Variants in SSTR1 observed in about 807,000 individuals in gnomAD.
SSTR1 encodes somatostatin receptor 1.
In SSTR1, 10 loss-of-function variants were observed where a neutral mutation model predicts 20.7. That is an observed-to-expected ratio of 0.48 (90% CI 0.30 to 0.82). The LOEUF (loss-of-function observed/expected upper bound fraction) is 0.82, where lower values mean the gene tolerates loss of function less well. Among genes scored for constraint, SSTR1 ranks in the 40% least tolerant of loss-of-function variants. The pLI, the probability that SSTR1 is intolerant of heterozygous loss-of-function variation, is 0.07. For synonymous variants in SSTR1, 267 were observed against 227.8 expected, an observed-to-expected ratio of 1.17 and a Z score of -1.55; for missense variants, 494 against 540.0, an observed-to-expected ratio of 0.91 and a Z score of 0.84.
At position 38,210,170 on chromosome 14, in the gene SSTR1, C is replaced by G; in HGVS notation, c.781C>G (p.Gln261Glu). Residue 261 changes from glutamine to glutamate, a missense_variant, in exon 3 of 3, where the codon CAG (glutamine) becomes GAG (glutamate). By Grantham distance (29) the Gln-to-Glu change is conservative (BLOSUM62 2). Transcript: ENST00000267377. The part of the protein sequence containing the change: ...RMVALKAGWQ[Q>E]RKRSERKITL... The stretch of plus-strand genomic sequence containing the variant: ...GGTGGCCCTCAAGGCCGGCTGGCAG[C>G]AGCGCAAGCGCTCGGAGCGCAAGAT... 2 of 1,614,240 alleles carry G rather than the reference C, an allele frequency of 1.2e-6. No homozygotes were observed. Among genetic ancestry groups the G allele is most frequent in the Non-Finnish European group, 1.7e-6 (2 of 1,180,050 alleles).
chr14:38,209,860 G>A lies in SSTR1; in HGVS notation c.471G>A (p.Val157=). 1.9e-6 allele frequency: 3 copies of A among 1,613,874 alleles called. No homozygotes were observed. The highest frequency in any genetic ancestry group is 2.5e-6 in the Non-Finnish European group (3 of 1,180,036). Residue 157 remains valine, a synonymous_variant, in exon 3 of 3, where the codon GTG becomes GTA. Transcript: ENST00000267377. ...CLTVLSVDRY[V]AVVHPIKAAR... The stretch of plus-strand genomic sequence containing the variant: ...CTGTGCTCAGCGTGGACCGCTACGT[G>A]GCCGTGGTGCATCCCATCAAGGCGG...
In SSTR1 at chr14:38,211,717, A is replaced by T. The variant is rs1353521882; in HGVS notation, c.*1152A>T. The T allele has an allele frequency of 6.0e-6, 1 of 167,088 alleles. No individual in the cohort carries two copies. Among genetic ancestry groups the T allele is most frequent in the African/African-American group, 2.4e-5 (1 of 41,450 alleles). 10.4% of individuals were successfully genotyped at this position (167,088 alleles called of 1,614,324 possible). A position where few individuals can be genotyped will look rare whatever the true frequency, so the allele number is the denominator to read the frequency against. On this transcript the variant is annotated 3_prime_UTR_variant, in exon 3 of 3. Transcript: ENST00000267377. ...CCGCCAGTGTTGGCGGTGTCGCCGC[A>T]ACCTGCAGGCTCCCGAGTGGGGCCT...
rs1379034386 is a variant in SSTR1, at chr14:38,213,027, G to A, written c.*2462G>A. 6.0e-6 allele frequency: 1 copy of A among 166,512 alleles called. No homozygotes were observed. Among genetic ancestry groups the A allele is most frequent in the African/African-American group, 2.4e-5 (1 of 41,276 alleles). The allele number at this position is 166,512 out of a possible 1,614,324, so 10.3% of individuals were successfully genotyped here. A position where few individuals can be genotyped will look rare whatever the true frequency, so the allele number is the denominator to read the frequency against. Reference sequence around the variant, plus strand: ...TTAGTGCTCTTAACTTGTTACCATTGTAATATTAACTAAATAAACAGATGT... The same window carrying A: ...TTAGTGCTCTTAACTTGTTACCATTATAATATTAACTAAATAAACAGATGT... On this transcript the variant is annotated 3_prime_UTR_variant, in exon 3 of 3. Coordinates refer to ENST00000267377, the MANE Select transcript of SSTR1 (RefSeq NM_001049.3).
In SSTR1 at chr14:38,211,936, C is replaced by G. The variant is rs1281244969; in HGVS notation, c.*1371C>G. The G allele has an allele frequency of 6.0e-6, 1 of 167,102 alleles. No homozygotes were observed. Among genetic ancestry groups the G allele is most frequent in the Non-Finnish European group, 1.5e-5 (1 of 68,132 alleles). 10.4% of individuals were successfully genotyped at this position (167,102 alleles called of 1,614,324 possible). A position where few individuals can be genotyped will look rare whatever the true frequency, so the allele number is the denominator to read the frequency against. ...ATGGAAGTGGAAGTAGGGGCAAGCT[C>G]TTGCCCCACTCCCTGGCCATCTCAA... is the stretch of plus-strand genomic sequence containing the variant. On this transcript the variant is annotated 3_prime_UTR_variant, in exon 3 of 3. Transcript: ENST00000267377.
At position 38,210,807 on chromosome 14, in the gene SSTR1, T is replaced by C. The variant is rs35744923; in HGVS notation, c.*242T>C. 5 of 970,950 alleles carry C rather than the reference T, an allele frequency of 5.1e-6. No homozygotes were observed. In the Admixed American group the frequency reaches 1.8e-4, roughly 35 times the overall value. The allele number at this position is 970,950 out of a possible 1,614,324, so 60.1% of individuals were successfully genotyped here. On this transcript the variant is annotated 3_prime_UTR_variant, in exon 3 of 3. Coordinates refer to ENST00000267377, the MANE Select transcript of SSTR1 (RefSeq NM_001049.3). ...TGGGAAGGCTTTCAGGCTACCTTTT[T>C]CTGGGTCTCCCACTTTCTGTTCCTT...
rs978429408 is a variant in SSTR1, at chr14:38,210,829, C to A, written c.*264C>A. 2.8e-6 allele frequency: 2 copies of A among 722,366 alleles called. No individual in the cohort carries two copies. Among genetic ancestry groups the A allele is most frequent in the Non-Finnish European group, 4.2e-6 (2 of 473,366 alleles). The allele number at this position is 722,366 out of a possible 1,614,324, so 44.7% of individuals were successfully genotyped here. ...TTTTCTGGGTCTCCCACTTTCTGTT[C>A]CTTCCTCCACTGCGCTTACTCCTCT... On this transcript the variant is annotated 3_prime_UTR_variant, in exon 3 of 3. Coordinates refer to ENST00000267377, the MANE Select transcript of SSTR1 (RefSeq NM_001049.3).
In SSTR1 at chr14:38,210,008, G is replaced by A; in HGVS notation, c.619G>A (p.Ala207Thr). ...RTAANSDGTV[A>T]CNMLMPEPAQ... ...CGCGGCCAACAGCGACGGCACGGTG[G>A]CTTGCAACATGCTCATGCCAGAGCC... Residue 207 changes from alanine to threonine, a missense_variant, in exon 3 of 3, where the codon GCT becomes ACT. Physicochemically the swap from Ala to Thr is moderately conservative, Grantham distance 58 (BLOSUM62 0). Coordinates refer to ENST00000267377, the MANE Select transcript of SSTR1 (RefSeq NM_001049.3). 6.2e-7 allele frequency: 1 copy of A among 1,614,142 alleles called. No homozygotes were observed. The highest frequency in any genetic ancestry group is 8.5e-7 in the Non-Finnish European group (1 of 1,180,026).
chr14:38,209,864 G>A lies in SSTR1; in HGVS notation c.475G>A (p.Val159Met), dbSNP rs1360740313. 3 of 1,613,944 alleles carry A rather than the reference G, an allele frequency of 1.9e-6. No homozygotes were observed. The highest frequency in any genetic ancestry group is 1.1e-5 in the South Asian group (1 of 91,086). ...GCTCAGCGTGGACCGCTACGTGGCCGTGGTGCATCCCATCAAGGCGGCCCG... is the reference window on the plus strand; with the variant it reads ...GCTCAGCGTGGACCGCTACGTGGCCATGGTGCATCCCATCAAGGCGGCCCG... ...TVLSVDRYVA[V>M]VHPIKAARYR... Residue 159 changes from valine (V) to methionine (M), a missense_variant, in exon 3 of 3, where the codon GTG (valine) becomes ATG (methionine). By Grantham distance (21) the Val-to-Met change is conservative (BLOSUM62 1). Coordinates refer to ENST00000267377, the MANE Select transcript of SSTR1 (RefSeq NM_001049.3).
chr14:38,209,511 C>A lies in SSTR1; in HGVS notation c.122C>A (p.Pro41Gln), dbSNP rs765818807. 5 of 1,590,310 alleles carry A rather than the reference C, an allele frequency of 3.1e-6. No homozygotes were observed. Among genetic ancestry groups the A allele is most frequent in the Non-Finnish European group, 4.3e-6 (5 of 1,166,854 alleles). Residue 41 changes from proline to glutamine, a missense_variant, in exon 3 of 3, where the codon CCA (proline) becomes CAA (glutamine). By Grantham distance (76) the Pro-to-Gln change is moderately conservative. Transcript: ENST00000267377. ...GGCGCTGCGGACGGCATGGAGGAGCCAGGGCGAAATGCGTCCCAGAACGGG... is the reference window on the plus strand; with the variant it reads ...GGCGCTGCGGACGGCATGGAGGAGCAAGGGCGAAATGCGTCCCAGAACGGG... ...GAGAADGMEE[P>Q]GRNASQNGTL...
chr14:38,208,266 A>G (rs929272119), intron 1 of SSTR1, among the ~76,000 whole-genome samples, 162 bp downstream of exon 1: 2 of 152,244 alleles, frequency 1.3e-5, no homozygotes, highest in African/African-American at 2.4e-5. Context: ...TCGTTTCTGC[A>G]GTCGATATTC....
At position 38,210,042 on chromosome 14, in the gene SSTR1, G is replaced by A. The variant is rs773028822; in HGVS notation, c.653G>A (p.Arg218His). The A allele has an allele frequency of 1.2e-6, 2 of 1,614,102 alleles. No individual in the cohort carries two copies. Among genetic ancestry groups the A allele is most frequent in the African/African-American group, 2.7e-5 (2 of 74,958 alleles). The change falls in exon 3 of 3, where the codon CGC (arginine) becomes CAC (histidine). Residue 218 changes from arginine to histidine, a missense_variant. Physicochemically the swap from Arg to His is conservative, Grantham distance 29. Coordinates refer to ENST00000267377, the MANE Select transcript of SSTR1 (RefSeq NM_001049.3). ...ATGCTCATGCCAGAGCCCGCTCAAC[G>A]CTGGCTGGTGGGCTTCGTGTTGTAC... Reference protein sequence around the residue: ...CNMLMPEPAQRWLVGFVLYTF... With the variant: ...CNMLMPEPAQHWLVGFVLYTF...
Position 38,211,521 on chromosome 14 carries a change from G to A in SSTR1, c.*956G>A, listed in dbSNP as rs1883329473. On this transcript the variant is annotated 3_prime_UTR_variant, in exon 3 of 3. Transcript: ENST00000267377. Reference sequence around the variant, plus strand: ...TAGTGCAGGGCACACCTTCCCCGGGGTTCGGGGTTCGGGGTTCGGTTGCAG... The same window carrying A: ...TAGTGCAGGGCACACCTTCCCCGGGATTCGGGGTTCGGGGTTCGGTTGCAG... 6.0e-6 allele frequency: 1 copy of A among 167,234 alleles called. No homozygotes were observed. The highest frequency in any genetic ancestry group is 2.1e-4 in the South Asian group (1 of 4,840). The allele number at this position is 167,234 out of a possible 1,614,324, so 10.4% of individuals were successfully genotyped here. A position where few individuals can be genotyped will look rare whatever the true frequency, so the allele number is the denominator to read the frequency against.
At position 38,209,098 on chromosome 14, in the gene SSTR1, C is replaced by T. The variant is rs1883270022; in HGVS notation, c.-292C>T. Reference sequence around the variant, plus strand: ...ATCATTTACCAGTCCAGAGCCGCGCCAGTTAATGGCTGTGCCGTGCGGTGC... The same window carrying T: ...ATCATTTACCAGTCCAGAGCCGCGCTAGTTAATGGCTGTGCCGTGCGGTGC... On this transcript the variant is annotated 5_prime_UTR_variant, in exon 3 of 3. Transcript: ENST00000267377. 2 of 360,710 alleles carry T rather than the reference C, an allele frequency of 5.5e-6. No individual in the cohort carries two copies. Among genetic ancestry groups the T allele is most frequent in the Non-Finnish European group, 9.8e-6 (2 of 203,234 alleles). The allele number at this position is 360,710 out of a possible 1,614,324, so 22.3% of individuals were successfully genotyped here. A position where few individuals can be genotyped will look rare whatever the true frequency, so the allele number is the denominator to read the frequency against.
rs1282439364 is a variant in SSTR1, at chr14:38,209,978, C to G, written c.589C>G (p.Arg197Gly). 1 of 1,614,110 alleles carries G rather than the reference C, an allele frequency of 6.2e-7. No individual in the cohort carries two copies. The highest frequency in any genetic ancestry group is 8.5e-7 in the Non-Finnish European group (1 of 1,180,046). Reference sequence around the variant, plus strand: ...CATCCTGCCCATCGTGGTCTTCTCTCGCACCGCGGCCAACAGCGACGGCAC... The same window carrying G: ...CATCCTGCCCATCGTGGTCTTCTCTGGCACCGCGGCCAACAGCGACGGCAC... ...LVILPIVVFSRTAANSDGTVA... is the reference protein window; with the variant it reads ...LVILPIVVFSGTAANSDGTVA... Residue 197 changes from arginine to glycine, a missense_variant, in exon 3 of 3, where the codon CGC (arginine) becomes GGC (glycine). Physicochemically the swap from Arg to Gly is moderately radical, Grantham distance 125 (BLOSUM62 -2). This residue lies in a region of SSTR1 where 280 missense variants were observed against 286.1 expected (regional missense o/e 0.98). Transcript: ENST00000267377.
Position 38,210,627 on chromosome 14 carries a change from G to T in SSTR1, c.*62G>T, listed in dbSNP as rs1053352561. 3 of 1,304,120 alleles carry T rather than the reference G, an allele frequency of 2.3e-6. No homozygotes were observed. The highest frequency in any genetic ancestry group is 4.1e-5 in the Admixed American group (1 of 24,352). The allele number at this position is 1,304,120 out of a possible 1,614,324, so 80.8% of individuals were successfully genotyped here. Reference sequence around the variant, plus strand: ...CAGGGGCCCTGAGCCAAAAGAGGGGGAGAATGAGAAGGGAAGGCCGGGTGC... The same window carrying T: ...CAGGGGCCCTGAGCCAAAAGAGGGGTAGAATGAGAAGGGAAGGCCGGGTGC... On this transcript the variant is annotated 3_prime_UTR_variant, in exon 3 of 3. Coordinates refer to ENST00000267377, the MANE Select transcript of SSTR1 (RefSeq NM_001049.3).
chr14:38,209,193 C>A lies in SSTR1; in HGVS notation c.-197C>A. ...CACCCCGGAGCTGCAAACTGCAGAG[C>A]CCAGGCAACCGCTGGGCTGTGCGCC... On this transcript the variant is annotated 5_prime_UTR_variant, in exon 3 of 3. Transcript: ENST00000267377. The A allele has an allele frequency of 1.2e-5, 7 of 575,498 alleles. No homozygotes were observed. The highest frequency in any genetic ancestry group is 1.6e-5 in the Non-Finnish European group (6 of 373,624). 35.6% of individuals were successfully genotyped at this position (575,498 alleles called of 1,614,324 possible). A position where few individuals can be genotyped will look rare whatever the true frequency, so the allele number is the denominator to read the frequency against.
Position 38,209,502 on chromosome 14 carries a change from T to G in SSTR1, c.113T>G (p.Met38Arg). Residue 38 changes from methionine to arginine, a missense_variant, in exon 3 of 3, where the codon ATG becomes AGG. This residue lies in a region of SSTR1 where 98 missense variants were observed against 79.3 expected (regional missense o/e 1.24). Transcript: ENST00000267377. ...RGPGAGAADG[M>R]EEPGRNASQN... Reference sequence around the variant, plus strand: ...CCCGGGGCCGGCGCTGCGGACGGCATGGAGGAGCCAGGGCGAAATGCGTCC... The same window carrying G: ...CCCGGGGCCGGCGCTGCGGACGGCAGGGAGGAGCCAGGGCGAAATGCGTCC... The G allele has an allele frequency of 6.3e-7, 1 of 1,586,336 alleles. No individual in the cohort carries two copies. Among genetic ancestry groups the G allele is most frequent in the Non-Finnish European group, 8.6e-7 (1 of 1,165,032 alleles).
In SSTR1 at chr14:38,209,525, T is replaced by C. The variant is rs777857855; in HGVS notation, c.136T>C (p.Ser46Pro). Residue 46 changes from serine (S) to proline (P), a missense_variant, in exon 3 of 3, where the codon TCC becomes CCC. Physicochemically the swap from Ser to Pro is moderately conservative, Grantham distance 74. Coordinates refer to ENST00000267377, the MANE Select transcript of SSTR1 (RefSeq NM_001049.3). ...CATGGAGGAGCCAGGGCGAAATGCG[T>C]CCCAGAACGGGACCTTGAGCGAGGG... ...DGMEEPGRNA[S>P]QNGTLSEGQG... 31 of 1,595,628 alleles carry C rather than the reference T, an allele frequency of 1.9e-5. No individual in the cohort carries two copies. The South Asian group carries it at 3.2e-4, about 16-fold the overall frequency.
rs2139299464 is a variant in SSTR1, at chr14:38,212,187, C to T, written c.*1622C>T. The T allele has an allele frequency of 6.0e-6, 1 of 167,010 alleles. No homozygotes were observed. The highest frequency in any genetic ancestry group is 2.4e-5 in the African/African-American group (1 of 41,522). 10.3% of individuals were successfully genotyped at this position (167,010 alleles called of 1,614,324 possible). ...CCAGGAGACATATATAGGGGAACAT[C>T]ACCCTATATATAATTTGAGTGTATA... On this transcript the variant is annotated 3_prime_UTR_variant, in exon 3 of 3. Transcript: ENST00000267377.
Sources: allele counts gnomAD v4.1 joint callset (sites outside exome capture counted in the v4.1 genomes callset), GRCh38; gene constraint gnomAD v4.1.1; regional missense constraint gnomAD v4.1.1; transcripts MANE v1.5; gene names NCBI Gene and HGNC (gene_info 2026-07-23, HGNC 2026-07-21).